TENM2: variants seen among roughly 807,000 people sequenced by gnomAD.
TENM2 encodes the protein teneurin transmembrane protein 2.
TENM2 carries 52 observed loss-of-function variants against 245.2 expected under a neutral mutation model. The ratio of observed to expected loss-of-function variants is 0.21; its 90% confidence interval spans 0.17 to 0.27. The LOEUF is 0.27. Among genes scored for constraint, TENM2 ranks in the 10% least tolerant of loss-of-function variants. The probability of loss-of-function intolerance (pLI) is 1.00; values close to 1 mark genes in which losing one functional copy is unlikely to be tolerated. For missense variants in TENM2, 3,046 were observed against 3,666.8 expected (o/e 0.83, Z 4.37); for synonymous variants, 1,363 against 1,438.9 (o/e 0.95, Z 1.19).
chr5:167,158,024 C>T, the TENM2 span, among the ~76,000 whole-genome samples: 10 of 152,276 alleles, frequency 6.6e-5, no homozygotes, highest in African/African-American at 2.4e-4. Flanking sequence ...TTGTGAACCC[C>T]ATGACATTTC....
At chr5:167,641,441 T>C (rs1272484085) in intron 2 of TENM2, among the ~76,000 whole-genome samples, 1 of 152,108 alleles carries the variant, frequency 6.6e-6, no homozygotes, top group African/African-American at 2.4e-5. Flanking sequence ...AAGGAACTTA[T>C]CAAGATGGTT....
At chr5:167,953,667 G>GACT (rs1780298991) in intron 4 of TENM2, among the ~76,000 whole-genome samples, 1 of 152,168 alleles carries the variant, frequency 6.6e-6, no homozygotes, top group Admixed American at 6.5e-5. Context: ...TCCTTGTCTA[G>GACT]AAGAACCATG....
chr5:167,545,650 A>G (rs1304073016), intron 2 of TENM2, among the ~76,000 whole-genome samples: 2 of 152,234 alleles, frequency 1.3e-5, no homozygotes, highest in Non-Finnish European at 2.9e-5. Context: ...AATCTGATTT[A>G]TGCTTTCACA....
chr5:167,309,200 G>A (rs1470576653), intron 1 of TENM2, among the ~76,000 whole-genome samples: 1 of 152,142 alleles, frequency 6.6e-6, no homozygotes, highest in Non-Finnish European at 1.5e-5. Context: ...CTTTGAATAT[G>A]ATACCAGAAA....
rs1306113230 is a variant in TENM2 at position 168,244,237 on chromosome 5, A to C, written c.5521-183A>C. 2.0e-5 allele frequency among the ~76,000 whole-genome samples: 3 copies of C among 152,100 alleles called. No homozygotes were observed. Among genetic ancestry groups the C allele is most frequent in the Non-Finnish European group, 4.4e-5 (3 of 68,004 alleles). ...CAGGCGTGAGCCACCACACCCGGCCAAATTTTGCCATTTTCTATCTGTGCC... is the reference window on the plus strand; with the variant it reads ...CAGGCGTGAGCCACCACACCCGGCCCAATTTTGCCATTTTCTATCTGTGCC... On this transcript the variant is annotated intron_variant, in intron 25 of 28. Transcript: ENST00000518659. The surrounding 1 kb of genome is among the most constrained non-coding windows in gnomAD (Gnocchi z 4.9).
At chr5:167,283,766 A>C (rs1771185365), upstream of TENM2, among the ~76,000 whole-genome samples, 1 of 152,170 alleles carries the variant, frequency 6.6e-6, no homozygotes, top group African/African-American at 2.4e-5. Flanking sequence ...TGCATGGCAA[A>C]TGAAATCAAT....
intron 2 of TENM2, among the ~76,000 whole-genome samples, chr5:167,406,766 A>G (rs188768336): frequency 3.4e-4 from 52 of 151,948 alleles, no homozygotes; most frequent in South Asian, 3.3e-3. Flanking sequence ...TCTGCATCCT[A>G]TTGCTTCCCT....
At chr5:168,034,110 C>CAT (rs1170431193) in intron 5 of TENM2, among the ~76,000 whole-genome samples, 1 of 113,380 alleles carries the variant, frequency 8.8e-6, no homozygotes, top group Non-Finnish European at 1.7e-5. Flanking sequence ...TATATGTATA[C>CAT]ATATATATGT....
chr5:168,094,530 G>A (rs1199211760), intron 8 of TENM2, among the ~76,000 whole-genome samples: 1 of 152,058 alleles, frequency 6.6e-6, no homozygotes, highest in Non-Finnish European at 1.5e-5. Flanking sequence ...GTACCCAGAA[G>A]TTCCAGAATA....
the TENM2 span, among the ~76,000 whole-genome samples, chr5:167,265,830 T>C: frequency 1.5e-4 from 23 of 152,314 alleles, no homozygotes; most frequent in Admixed American, 5.9e-4. Flanking sequence ...ACTCTCTTTT[T>C]TTTCATAGTC....
chr5:168,025,938 G>A (rs961636141), intron 5 of TENM2, among the ~76,000 whole-genome samples: 60 of 152,254 alleles, frequency 3.9e-4, no homozygotes, highest in Middle Eastern at 3.4e-3. Context: ...CTCCAAAGGC[G>A]GAACTCCTAT....
the TENM2 span, among the ~76,000 whole-genome samples, chr5:167,104,248 T>C: frequency 2.0e-5 from 3 of 151,958 alleles, no homozygotes; most frequent in African/African-American, 7.3e-5. Flanking sequence ...CATTAAATAA[T>C]TGTGGATGTG....
rs553296695 is a variant in TENM2, at chr5:167,346,363, G to C, written c.227-28835G>C. On this transcript the variant is annotated intron_variant, in intron 1 of 28. Coordinates refer to ENST00000518659, the Ensembl canonical transcript of TENM2. ...CATACACGGAGCTGCTTTTATTCCA[G>C]AAGAGAATGAGGGAAGTAATGAGCT... Among the ~76,000 whole-genome samples the C allele has an allele frequency of 1.1e-4, 17 of 152,308 alleles. No individual in the cohort carries two copies. The East Asian group carries it at 2.9e-3, about 26-fold the overall frequency.
chr5:167,806,573 T>C (rs544208681), intron 2 of TENM2, among the ~76,000 whole-genome samples: 1 of 152,202 alleles, frequency 6.6e-6, no homozygotes, highest in Admixed American at 6.5e-5. Context: ...CAATTTAATG[T>C]TCTCTGAAGA....
At chr5:167,835,209 G>A (rs895617968) in intron 2 of TENM2, among the ~76,000 whole-genome samples, 1 of 152,192 alleles carries the variant, frequency 6.6e-6, no homozygotes, top group Non-Finnish European at 1.5e-5. Context: ...ACTTAGAGAA[G>A]GTTCTAGAAA....
chr5:167,607,046 A>G (rs1030184922), intron 2 of TENM2, among the ~76,000 whole-genome samples: 11 of 152,130 alleles, frequency 7.2e-5, no homozygotes, highest in African/African-American at 1.2e-4. Flanking sequence ...GCATAGCTTA[A>G]GGGTCACAAA....
chr5:167,006,665 TTTTTTC>T, the TENM2 span, among the ~76,000 whole-genome samples: 3 of 151,794 alleles, frequency 2.0e-5, no homozygotes, highest in Non-Finnish European at 4.4e-5. Flanking sequence ...TTTTTTTTTC[TTTTTTC>T]TTTTTCTTTT....
chr5:167,475,935 G>T (rs1337887466), intron 2 of TENM2, among the ~76,000 whole-genome samples: 1 of 151,756 alleles, frequency 6.6e-6, no homozygotes, highest in African/African-American at 2.4e-5. Flanking sequence ...TCTTTGTATT[G>T]TAAATAGTGC....
intron 2 of TENM2, among the ~76,000 whole-genome samples, chr5:167,795,392 T>A (rs1765249823): frequency 6.6e-6 from 1 of 152,164 alleles, no homozygotes; most frequent in East Asian, 1.9e-4. Flanking sequence ...ATCCTGAGAA[T>A]TCAGTAATGG....
Sources: gnomAD v4.1 joint callset for allele counts (sites outside exome capture counted in the v4.1 genomes callset) on GRCh38, gnomAD v4.1.1 for gene constraint, Gnocchi (gnomAD v3.1) non-coding constraint, MANE v1.5 for transcripts, NCBI Gene and HGNC (gene_info 2026-07-23, HGNC 2026-07-21) for gene names.